ABI3BP: variants seen among roughly 807,000 people sequenced by gnomAD.
ABI3BP encodes the protein ABI family member 3 binding protein.
Under a neutral mutation model 268.6 loss-of-function variants are expected in ABI3BP, and 216 were observed. That is an observed-to-expected ratio of 0.80 (90% CI 0.72 to 0.90). The LOEUF (loss-of-function observed/expected upper bound fraction) is 0.90. ABI3BP is among the 40% of genes least tolerant of loss of function. ABI3BP has a pLI of 0.00. For missense variants in ABI3BP, 2,090 were observed against 2,182.4 expected (o/e 0.96, Z 0.84); for synonymous variants, 730 against 730.0 (o/e 1.00, Z 0.00).
intron 39 of ABI3BP, 57 bp from the exon 40 acceptor site, chr3:100,820,360 G>C (rs1356690244): frequency 7.5e-7 from 1 of 1,330,258 alleles, no homozygotes; most frequent in Non-Finnish European, 1.0e-6. Context: ...GCTATGAGTA[G>C]CATGACATAC....
intron 1 of ABI3BP, among the ~76,000 whole-genome samples, chr3:100,964,250 G>T (rs1403298222): frequency 6.6e-6 from 1 of 152,126 alleles, no homozygotes; most frequent in Admixed American, 6.6e-5. Flanking sequence ...CAGACAAGAT[G>T]GCACCAATCA....
chr3:100,933,238 T>C (rs1427162054), intron 1 of ABI3BP, among the ~76,000 whole-genome samples: 1 of 151,952 alleles, frequency 6.6e-6, no homozygotes, highest in Non-Finnish European at 1.5e-5. Flanking sequence ...AAATAGCACA[T>C]ATAGACTTAA....
At chr3:100,805,852 T>A (rs2097690599) in intron 50 of ABI3BP, among the ~76,000 whole-genome samples, 1 of 152,102 alleles carries the variant, frequency 6.6e-6, no homozygotes, top group Non-Finnish European at 1.5e-5. Context: ...CAAAATGATG[T>A]GAAAATTATA....
chr3:100,797,076 G>A (rs1231463872), intron 51 of ABI3BP, among the ~76,000 whole-genome samples: 1 of 152,008 alleles, frequency 6.6e-6, no homozygotes, highest in Non-Finnish European at 1.5e-5. Flanking sequence ...GATAGCTGTT[G>A]CCATTTTTGT....
intron 62 of ABI3BP, 57 bp from the exon 63 acceptor site, chr3:100,766,006 G>T: frequency 7.6e-7 from 1 of 1,316,304 alleles, no homozygotes; most frequent in Non-Finnish European, 1.1e-6. Flanking sequence ...TGACTTAATT[G>T]CTCCTGAAGC....
chr3:100,946,317 G>A lies in ABI3BP; in HGVS notation c.80-19836C>T, dbSNP rs2072236597. 4.1e-5 allele frequency among the ~76,000 whole-genome samples: 6 copies of A among 147,032 alleles called. No homozygotes were observed. The South Asian group carries it at 1.3e-3, about 31-fold the overall frequency. ...ACCTGGGAGGCAGAGGCTGAGGTGA[G>A]CCAAATCATGCCACACATTCCAGCT... On this transcript the variant is annotated intron_variant, in intron 1 of 67. Transcript: ENST00000471714.
intron 1 of ABI3BP, among the ~76,000 whole-genome samples, chr3:100,959,469 G>A (rs1445747680): frequency 2.6e-5 from 3 of 115,054 alleles, no homozygotes; most frequent in Admixed American, 1.2e-4. Context: ...CAGCCTGGGC[G>A]ACAGAGCGAG....
chr3:100,972,746 G>C (rs2084241525), intron 1 of ABI3BP, among the ~76,000 whole-genome samples: 1 of 152,114 alleles, frequency 6.6e-6, no homozygotes, highest in South Asian at 2.1e-4. Context: ...ACATCAACAT[G>C]CATGATTTAT....
intron 2 of ABI3BP, among the ~76,000 whole-genome samples, chr3:100,915,452 C>T (rs1171001378): frequency 2.6e-5 from 4 of 152,166 alleles, no homozygotes; most frequent in African/African-American, 7.2e-5. Flanking sequence ...TGGAGGTGTG[C>T]ACACCCAAGT....
intron 6 of ABI3BP, among the ~76,000 whole-genome samples, chr3:100,877,064 A>T (rs774798844): frequency 2.6e-5 from 4 of 152,118 alleles, no homozygotes; most frequent in Admixed American, 2.0e-4. Context: ...TTCCCTCATA[A>T]ATATCCCAAG....
At chr3:100,974,209 A>G (rs1217273709) in intron 1 of ABI3BP, among the ~76,000 whole-genome samples, 2 of 152,220 alleles carry the variant, frequency 1.3e-5, no homozygotes, top group Non-Finnish European at 2.9e-5. Context: ...GATGTTTCTT[A>G]TAAACAAACA....
chr3:100,809,446 C>G (rs73152469), intron 49 of ABI3BP, among the ~76,000 whole-genome samples: 21,377 of 151,944 alleles, frequency 0.14, 1,908 homozygotes, highest in South Asian at 0.27. Flanking sequence ...AAATGATACA[C>G]AATGAGATAA....
intron 4 of ABI3BP, among the ~76,000 whole-genome samples, chr3:100,887,296 A>T (rs1190247906): frequency 1.3e-5 from 2 of 152,200 alleles, no homozygotes; most frequent in East Asian, 3.9e-4. Context: ...ATCAATGTGG[A>T]TAGATTTTAG....
At position 100,862,860 on chromosome 3, in the gene ABI3BP, A is replaced by G; in HGVS notation, c.1188T>C (p.Phe396=). Residue 396 remains phenylalanine, a synonymous_variant, in exon 13 of 68, where the codon TTT becomes TTC. Transcript: ENST00000471714. ...EFPEAKTPFP[F]EKPRGTLASS... ...TACCCAATGTGCCCCTAGGTTTCTC[A>G]AAAGGGAAGGGTGTTTTTGCCTCAG... 1 of 1,535,576 alleles carries G rather than the reference A, an allele frequency of 6.5e-7. No homozygotes were observed. The highest frequency in any genetic ancestry group is 8.7e-7 in the Non-Finnish European group (1 of 1,146,542).
rs768433212 is a variant in ABI3BP at position 100,926,283 on chromosome 3, C to G, written c.259+19G>C. 1.9e-6 allele frequency: 3 copies of G among 1,611,558 alleles called. No individual in the cohort carries two copies. The highest frequency in any genetic ancestry group is 1.7e-5 in the Admixed American group (1 of 59,908). ...CTCTTACCTCCTTTCCTTCCCAGCC[C>G]GATACCCAAACACCTTACCAACTAT... On this transcript the variant is annotated intron_variant, in intron 2 of 67. Coordinates refer to ENST00000471714, the MANE Select transcript of ABI3BP (RefSeq NM_001375547.2).
At chr3:100,916,444 C>T (rs528770509) in intron 2 of ABI3BP, among the ~76,000 whole-genome samples, 6 of 152,244 alleles carry the variant, frequency 3.9e-5, no homozygotes, top group Middle Eastern at 3.4e-3. Context: ...TTATAGGCCA[C>T]GGAGAAAAGC....
chr3:100,908,528 C>G (rs1020602318), intron 2 of ABI3BP, among the ~76,000 whole-genome samples: 3 of 151,426 alleles, frequency 2.0e-5, no homozygotes, highest in Non-Finnish European at 4.4e-5. Context: ...AGCCCAAAAT[C>G]TCCTTAAGCT....
chr3:100,972,160 C>T (rs1459797771), intron 1 of ABI3BP, among the ~76,000 whole-genome samples: 1 of 152,170 alleles, frequency 6.6e-6, no homozygotes, highest in Non-Finnish European at 1.5e-5. Context: ...ATTAAAACAA[C>T]ATCTGCATTA....
chr3:100,786,133 A>C (rs2097035014), intron 57 of ABI3BP, among the ~76,000 whole-genome samples: 1 of 152,158 alleles, frequency 6.6e-6, no homozygotes, highest in Admixed American at 6.6e-5. Context: ...GCAGGCAGCA[A>C]GTCCTTCCTT....
Sources: allele counts gnomAD v4.1 joint callset (sites outside exome capture counted in the v4.1 genomes callset), GRCh38; gene constraint gnomAD v4.1.1; transcripts MANE v1.5; gene names NCBI Gene and HGNC (gene_info 2026-07-23, HGNC 2026-07-21).